Variants in CUX2 observed in about 807,000 individuals in gnomAD.
CUX2 encodes the protein cut like homeobox 2, also known as homeobox protein cut-like 2.
A neutral mutation model predicts 144.8 loss-of-function variants in CUX2; 40 were observed. That is an observed-to-expected ratio of 0.28 (90% CI 0.21 to 0.36). The LOEUF (loss-of-function observed/expected upper bound fraction) is 0.36. CUX2 is among the 10% of genes least tolerant of loss of function. CUX2 has a pLI of 1.00. For missense variants in CUX2, 1,615 were observed against 1,994.0 expected (o/e 0.81, Z 3.62); for synonymous variants, 827 against 875.6 (o/e 0.94, Z 0.98).
At chr12:111,049,111 T>C (rs1377121251) in intron 1 of CUX2, among the ~76,000 whole-genome samples, 1 of 152,118 alleles carries the variant, frequency 6.6e-6, no homozygotes, top group African/African-American at 2.4e-5. Context: ...CACTCATCCA[T>C]CCATCCCATG....
At position 111,268,518 on chromosome 12, in the gene CUX2, G is replaced by A. The variant is rs566377978; in HGVS notation, c.301+4679G>A. On this transcript the variant is annotated intron_variant, in intron 4 of 21. Transcript: ENST00000261726. ...GGTCCCATGCTCCACCCCATCCCGC[G>A]CTCACAGGAACAGTCCAGCCACGTG... is the stretch of plus-strand genomic sequence containing the variant. Among the ~76,000 whole-genome samples the A allele has an allele frequency of 1.1e-4, 17 of 152,258 alleles. No homozygotes were observed. In the East Asian group the frequency reaches 2.9e-3, roughly 26 times the overall value.
chr12:111,274,092 T>C (rs558536230), intron 4 of CUX2, among the ~76,000 whole-genome samples: 1 of 152,118 alleles, frequency 6.6e-6, no homozygotes, highest in Non-Finnish European at 1.5e-5. Flanking sequence ...TGTTGGGTGT[T>C]TTTTGTTTTT....
intron 3 of CUX2, among the ~76,000 whole-genome samples, chr12:111,221,936 A>T (rs550825296): frequency 6.6e-6 from 1 of 152,358 alleles, no homozygotes; most frequent in East Asian, 1.9e-4. Context: ...AAACAAAGAC[A>T]GCCAGAGAAG....
At chr12:111,130,088 C>G (rs995566510) in intron 1 of CUX2, among the ~76,000 whole-genome samples, 8 of 152,176 alleles carry the variant, frequency 5.3e-5, no homozygotes, top group African/African-American at 1.9e-4. Context: ...CACAGTCACT[C>G]TGGTAAAAGG....
intron 1 of CUX2, among the ~76,000 whole-genome samples, chr12:111,125,896 A>C (rs1273143825): frequency 6.6e-6 from 1 of 152,216 alleles, no homozygotes; most frequent in African/African-American, 2.4e-5. Context: ...TTTATGTTAA[A>C]TATCTGATAT....
intron 1 of CUX2, among the ~76,000 whole-genome samples, chr12:111,199,766 CTA>C (rs1230998127): frequency 6.6e-6 from 1 of 151,902 alleles, no homozygotes; most frequent in African/African-American, 2.4e-5. Context: ...GTCCCTGTAT[CTA>C]TGTTTGTACG....
intron 3 of CUX2, among the ~76,000 whole-genome samples, chr12:111,238,938 G>A (rs1233416744): frequency 1.3e-5 from 2 of 152,166 alleles, no homozygotes; most frequent in South Asian, 2.1e-4. Flanking sequence ...TCAGCTACTC[G>A]GGAGGCTGAG....
chr12:111,126,367 C>T (rs1485543937), intron 1 of CUX2, among the ~76,000 whole-genome samples: 4 of 152,160 alleles, frequency 2.6e-5, no homozygotes, highest in East Asian at 3.9e-4. Flanking sequence ...CCACCTTGGC[C>T]TCCCAAAGTG....
chr12:111,236,850 C>A (rs1242056302), intron 3 of CUX2, among the ~76,000 whole-genome samples: 2 of 152,206 alleles, frequency 1.3e-5, no homozygotes, highest in Admixed American at 6.5e-5. Context: ...AATGTTGCCT[C>A]CTAAAAGCGG....
At chr12:111,049,590 G>A (rs1870166792) in intron 1 of CUX2, among the ~76,000 whole-genome samples, 1 of 152,218 alleles carries the variant, frequency 6.6e-6, no homozygotes, top group Non-Finnish European at 1.5e-5. Context: ...GGTGAGGGCT[G>A]CTGGAGAGGG....
chr12:111,085,309 G>T (rs919537082), intron 1 of CUX2, among the ~76,000 whole-genome samples: 1 of 152,214 alleles, frequency 6.6e-6, no homozygotes, highest in Non-Finnish European at 1.5e-5. Context: ...GAAATTGGCA[G>T]ATGCCACAAA....
chr12:111,144,873 C>T (rs1876560388), intron 1 of CUX2, among the ~76,000 whole-genome samples: 1 of 152,158 alleles, frequency 6.6e-6, no homozygotes, highest in African/African-American at 2.4e-5. Context: ...AGCTCTTTCT[C>T]TTGTCACTGG....
intron 1 of CUX2, among the ~76,000 whole-genome samples, chr12:111,128,013 C>A (rs1875201855): frequency 6.6e-6 from 1 of 152,194 alleles, no homozygotes; most frequent in South Asian, 2.1e-4. Context: ...TGGGTGGGGA[C>A]ACAGAGCCAA....
rs376477625 is a variant in CUX2, at chr12:111,275,284, C to T, written c.301+11445C>T. Reference sequence around the variant, plus strand: ...GCTCATAGTGGATCCAAGTCTGCCACTCATCAGCTCATCAGAAGGGTCTGT... The same window carrying T: ...GCTCATAGTGGATCCAAGTCTGCCATTCATCAGCTCATCAGAAGGGTCTGT... On this transcript the variant is annotated intron_variant, in intron 4 of 21. Transcript: ENST00000261726. Among the ~76,000 whole-genome samples, 6 of 152,326 alleles carry T rather than the reference C, an allele frequency of 3.9e-5. No homozygotes were observed. In the East Asian group the frequency reaches 7.7e-4, roughly 20 times the overall value.
intron 18 of CUX2, among the ~76,000 whole-genome samples, chr12:111,327,155 A>G (rs1319442953): frequency 6.6e-6 from 1 of 152,042 alleles, no homozygotes; most frequent in Non-Finnish European, 1.5e-5. Context: ...TGAATGTTTC[A>G]TATAGATGGA....
At chr12:111,181,411 C>T (rs1879170202) in intron 1 of CUX2, among the ~76,000 whole-genome samples, 1 of 152,242 alleles carries the variant, frequency 6.6e-6, no homozygotes, top group African/African-American at 2.4e-5. Flanking sequence ...ACTGGCTAGA[C>T]TCTCCTGATT....
At chr12:111,166,243 A>G (rs977341920) in intron 1 of CUX2, among the ~76,000 whole-genome samples, 1 of 152,068 alleles carries the variant, frequency 6.6e-6, no homozygotes, top group Non-Finnish European at 1.5e-5. Flanking sequence ...GCTGGACTTG[A>G]TCTTCTGGCC....
intron 1 of CUX2, among the ~76,000 whole-genome samples, chr12:111,129,421 C>T (rs1361627169): frequency 1.3e-5 from 2 of 152,226 alleles, no homozygotes; most frequent in African/African-American, 2.4e-5. Flanking sequence ...ATCCAGTGGG[C>T]CTTATGGAAA....
intron 1 of CUX2, among the ~76,000 whole-genome samples, chr12:111,051,869 G>GT (rs372450358): frequency 0.011 from 1,568 of 147,760 alleles, 24 homozygotes; most frequent in African/African-American, 0.036. Flanking sequence ...AATTAGTGAG[G>GT]TTTTTTTTTT....
Sources: allele counts gnomAD v4.1 joint callset (sites outside exome capture counted in the v4.1 genomes callset), GRCh38; gene constraint gnomAD v4.1.1; transcripts MANE v1.5; gene names NCBI Gene and HGNC (gene_info 2026-07-23, HGNC 2026-07-21).